GDAP1: variants seen among roughly 807,000 people sequenced by gnomAD.
GDAP1 encodes ganglioside-induced differentiation-associated protein 1.
In GDAP1, 34 loss-of-function variants were observed where a neutral mutation model predicts 40.1. The ratio of observed to expected loss-of-function variants is 0.85; its 90% CI spans 0.64 to 1.13. The LOEUF (loss-of-function observed/expected upper bound fraction) is 1.13. Ranked by LOEUF, GDAP1 falls within the 50% of genes most tolerant of loss-of-function variation. GDAP1 has a pLI of 0.00. For missense variants in GDAP1, 374 were observed against 433.7 expected (o/e 0.86, Z 1.22); for synonymous variants, 170 against 157.4 (o/e 1.08, Z -0.60).
intron 2 of GDAP1, among the ~76,000 whole-genome samples, chr8:74,470,931 A>G (rs1806545007): frequency 6.6e-6 from 1 of 152,126 alleles, no homozygotes. Flanking sequence ...TGACTTTTTA[A>G]TGATCGCCAT....
chr8:74,452,018 C>T (rs1424463604), intron 2 of GDAP1, among the ~76,000 whole-genome samples: 1 of 80,804 alleles, frequency 1.2e-5, no homozygotes, highest in Non-Finnish European at 2.5e-5. Context: ...GGCGCGATCT[C>T]GGCTCACTGC....
At chr8:74,456,581 G>A (rs1806338467) in intron 2 of GDAP1, among the ~76,000 whole-genome samples, 1 of 151,834 alleles carries the variant, frequency 6.6e-6, no homozygotes, top group Non-Finnish European at 1.5e-5. Flanking sequence ...AGAGATAGTA[G>A]GGAAACGCTG....
intron 2 of GDAP1, among the ~76,000 whole-genome samples, chr8:74,468,182 T>A (rs1806498123): frequency 6.6e-6 from 1 of 152,050 alleles, no homozygotes; most frequent in African/African-American, 2.4e-5. Flanking sequence ...TGTTTTAATA[T>A]GTTTCAGTAT....
intron 2 of GDAP1, among the ~76,000 whole-genome samples, chr8:74,431,404 A>G (rs1054605254): frequency 3.3e-5 from 5 of 152,176 alleles, no homozygotes; most frequent in Non-Finnish European, 7.3e-5. Flanking sequence ...ATATGGACTT[A>G]AGTAATGAAT....
intron 2 of GDAP1, among the ~76,000 whole-genome samples, chr8:74,388,634 G>A (rs1213535297): frequency 1.3e-5 from 2 of 152,178 alleles, no homozygotes; most frequent in Non-Finnish European, 2.9e-5. Flanking sequence ...GCTATGTGAT[G>A]CTGAGAAGAA....
chr8:74,362,069 T>C, intron 4 of GDAP1, 91 bp downstream of exon 4: 1 of 765,970 alleles, frequency 1.3e-6, no homozygotes, highest in Non-Finnish European at 2.3e-6. Flanking sequence ...GAATATCTTC[T>C]TTTAAATATT....
At chr8:74,436,309 C>T (rs1806087548) in intron 2 of GDAP1, among the ~76,000 whole-genome samples, 1 of 152,048 alleles carries the variant, frequency 6.6e-6, no homozygotes, top group African/African-American at 2.4e-5. Context: ...GATCAGAAAA[C>T]TGAGGATATC....
chr8:74,473,083 ATT>A (rs34633437), intron 2 of GDAP1, among the ~76,000 whole-genome samples: 2,113 of 148,172 alleles, frequency 0.014, 30 homozygotes, highest in African/African-American at 0.044. Flanking sequence ...GGCTGCATGT[ATT>A]TTTTTTTTTT....
chr8:74,428,265 A>G (rs1239846427), intron 2 of GDAP1, among the ~76,000 whole-genome samples: 1 of 152,050 alleles, frequency 6.6e-6, no homozygotes, highest in Middle Eastern at 3.2e-3. Flanking sequence ...AACAACAACA[A>G]CAACAAAAGT....
chr8:74,432,942 A>G (rs1396395399), intron 2 of GDAP1, among the ~76,000 whole-genome samples: 3 of 152,156 alleles, frequency 2.0e-5, no homozygotes, highest in African/African-American at 7.2e-5. Context: ...GCCTCACATG[A>G]TCTGGCTCCT....
intron 2 of GDAP1, among the ~76,000 whole-genome samples, chr8:74,393,560 C>T (rs930908446): frequency 6.6e-6 from 1 of 151,904 alleles, no homozygotes; most frequent in Non-Finnish European, 1.5e-5. Flanking sequence ...TTATTGTGAC[C>T]AAGGAAAGAA....
At chr8:74,455,620 T>C (rs1275432604) in intron 2 of GDAP1, among the ~76,000 whole-genome samples, 1 of 151,982 alleles carries the variant, frequency 6.6e-6, no homozygotes, top group African/African-American at 2.4e-5. Context: ...TTCTGAGTGA[T>C]AACATTAGAT....
intron 2 of GDAP1, among the ~76,000 whole-genome samples, chr8:74,401,094 T>G (rs1810325283): frequency 6.7e-6 from 1 of 149,304 alleles, no homozygotes; most frequent in Non-Finnish European, 1.5e-5. Flanking sequence ...ATCTGAATGT[T>G]GGCCTGCCTT....
chr8:74,418,607 A>C (rs1805814893), intron 2 of GDAP1, among the ~76,000 whole-genome samples: 1 of 152,222 alleles, frequency 6.6e-6, no homozygotes, highest in Non-Finnish European at 1.5e-5. Flanking sequence ...TGTGCCCTGG[A>C]TTAGGCAAAG....
intron 2 of GDAP1, among the ~76,000 whole-genome samples, chr8:74,377,846 A>G (rs1809882963): frequency 6.6e-6 from 1 of 152,216 alleles, no homozygotes; most frequent in Non-Finnish European, 1.5e-5. Context: ...TAGCTGCTTT[A>G]TTACTAATGG....
chr8:74,381,116 T>G (rs1351373713), intron 2 of GDAP1, among the ~76,000 whole-genome samples: 1 of 152,008 alleles, frequency 6.6e-6, no homozygotes, highest in East Asian at 1.9e-4. Flanking sequence ...GTGGTGATGA[T>G]AAATGAGTGT....
chr8:74,397,710 T>G (rs1586821243), intron 2 of GDAP1, among the ~76,000 whole-genome samples: 2 of 152,264 alleles, frequency 1.3e-5, no homozygotes, highest in South Asian at 2.1e-4. Flanking sequence ...GTTCCATTGA[T>G]CTATATCTCT....
intron 2 of GDAP1, among the ~76,000 whole-genome samples, chr8:74,380,256 A>G (rs1395395206): frequency 6.6e-6 from 1 of 152,222 alleles, no homozygotes; most frequent in Non-Finnish European, 1.5e-5. Context: ...TGTGAGATTC[A>G]CGGTATAAAA....
At chr8:74,470,425 C>T (rs1354496195) in intron 2 of GDAP1, among the ~76,000 whole-genome samples, 2 of 152,064 alleles carry the variant, frequency 1.3e-5, no homozygotes, top group Non-Finnish European at 2.9e-5. Context: ...CACAACAGGC[C>T]CCGGTGTGTG....
Sources: allele counts gnomAD v4.1 joint callset (sites outside exome capture counted in the v4.1 genomes callset), GRCh38; gene constraint gnomAD v4.1.1; transcripts MANE v1.5; gene names NCBI Gene and HGNC (gene_info 2026-07-23, HGNC 2026-07-21).